MXRA7: variants seen among roughly 807,000 people sequenced by gnomAD.
MXRA7 encodes the protein matrix-remodeling-associated protein 7.
A neutral mutation model predicts 17.4 loss-of-function variants in MXRA7; 18 were observed. The ratio of observed to expected loss-of-function variants is 1.03; its 90% CI spans 0.71 to 1.53. The LOEUF (loss-of-function observed/expected upper bound fraction) is 1.53. Ranked by LOEUF, MXRA7 falls within the 40% of genes most tolerant of loss-of-function variation. The probability of loss-of-function intolerance (pLI) is 0.00; values close to 1 mark genes in which losing one functional copy is unlikely to be tolerated. For synonymous variants in MXRA7, 70 were observed against 101.7 expected (o/e 0.69, Z 1.87); for missense variants, 141 against 209.3 (o/e 0.67, Z 2.01).
chr17:76,692,240 T>C (rs2076485187), intron 1 of MXRA7, among the ~76,000 whole-genome samples: 1 of 151,594 alleles, frequency 6.6e-6, no homozygotes, highest in South Asian at 2.1e-4. Flanking sequence ...TGTACTTGAC[T>C]TTGGAAGTCT....
At chr17:76,697,813 G>T (rs1419369753) in intron 1 of MXRA7, among the ~76,000 whole-genome samples, 1 of 152,128 alleles carries the variant, frequency 6.6e-6, no homozygotes, top group African/African-American at 2.4e-5. Context: ...CGCCCTGCAG[G>T]CTGCACGCTG....
chr17:76,709,084 T>G (rs897417032), intron 1 of MXRA7, among the ~76,000 whole-genome samples: 4 of 152,136 alleles, frequency 2.6e-5, no homozygotes, highest in African/African-American at 9.7e-5. Flanking sequence ...TAGAAAGTTC[T>G]TTAAGCGCTG....
At chr17:76,678,437 G>C (rs1335065498), downstream of MXRA7, among the ~76,000 whole-genome samples, 1 of 152,026 alleles carries the variant, frequency 6.6e-6, no homozygotes, top group Admixed American at 6.5e-5. Flanking sequence ...GACAACTTCT[G>C]CAGCACAAAC....
intron 1 of MXRA7, among the ~76,000 whole-genome samples, chr17:76,699,339 TCTCA>T (rs2076568449): frequency 6.6e-6 from 1 of 151,938 alleles, no homozygotes. Context: ...AGAGATTGGG[TCTCA>T]CTATGTTGCT....
At chr17:76,678,142 A>T (rs2076256560), downstream of MXRA7, among the ~76,000 whole-genome samples, 1 of 152,240 alleles carries the variant, frequency 6.6e-6, no homozygotes, top group African/African-American at 2.4e-5. Context: ...GGAGAAAGAA[A>T]AAACATTATC....
At chr17:76,678,571 T>C (rs1192433154), downstream of MXRA7, among the ~76,000 whole-genome samples, 4 of 152,208 alleles carry the variant, frequency 2.6e-5, no homozygotes, top group African/African-American at 9.7e-5. Flanking sequence ...CTCACTCTTC[T>C]GGTTTCTGCA....
intron 1 of MXRA7, among the ~76,000 whole-genome samples, chr17:76,704,447 C>T (rs932923832): frequency 6.7e-4 from 101 of 149,700 alleles, no homozygotes; most frequent in Non-Finnish European, 1.2e-3. Context: ...CCTCGTGATC[C>T]GCCCGCCTCG....
intron 1 of MXRA7, among the ~76,000 whole-genome samples, chr17:76,693,123 TA>T (rs2076494118): frequency 6.6e-6 from 1 of 152,222 alleles, no homozygotes; most frequent in South Asian, 2.1e-4. Context: ...CATCTGAAGT[TA>T]TTTATTAAAA....
At chr17:76,694,046 C>A (rs1348786432) in intron 1 of MXRA7, among the ~76,000 whole-genome samples, 1 of 152,170 alleles carries the variant, frequency 6.6e-6, no homozygotes, top group African/African-American at 2.4e-5. Context: ...ATCCCGTGGC[C>A]CCAGTTGGGG....
intron 1 of MXRA7, among the ~76,000 whole-genome samples, 175 bp downstream of exon 1, chr17:76,710,430 C>T (rs1047907002): frequency 3.9e-5 from 6 of 152,154 alleles, no homozygotes; most frequent in African/African-American, 1.4e-4. Flanking sequence ...GGCGAGTTTG[C>T]GGGGCTGCGG....
downstream of MXRA7, chr17:76,676,263 A>C (rs1317120088): frequency 1.3e-5 from 2 of 152,190 alleles, no homozygotes; most frequent in African/African-American, 2.4e-5. Flanking sequence ...ATAGGGACCA[A>C]GTTGAGTATT....
At chr17:76,685,039 C>G (rs1221871640) in intron 3 of MXRA7, 33 bp downstream of exon 3, 1 of 1,588,098 alleles carries the variant, frequency 6.3e-7, no homozygotes. Context: ...CCCCAAGAGC[C>G]CGCCAGGCGC....
intron 1 of MXRA7, among the ~76,000 whole-genome samples, chr17:76,694,112 A>G (rs2076507268): frequency 6.6e-6 from 1 of 152,216 alleles, no homozygotes; most frequent in African/African-American, 2.4e-5. Flanking sequence ...GCATAGGCCC[A>G]GGAGCCCAAT....
intron 1 of MXRA7, among the ~76,000 whole-genome samples, chr17:76,700,515 A>G (rs1450225724): frequency 6.6e-6 from 1 of 152,102 alleles, no homozygotes; most frequent in Admixed American, 6.6e-5. Flanking sequence ...CTGGGCAGGG[A>G]CAGAAACAAG....
intron 1 of MXRA7, among the ~76,000 whole-genome samples, chr17:76,704,957 G>A (rs944735794): frequency 2.6e-5 from 4 of 152,042 alleles, no homozygotes; most frequent in African/African-American, 9.7e-5. Context: ...TCAGGGATCT[G>A]GCATTTCTCT....
chr17:76,697,804 G>A (rs1323403351), intron 1 of MXRA7, among the ~76,000 whole-genome samples: 2 of 152,094 alleles, frequency 1.3e-5, no homozygotes, highest in Non-Finnish European at 2.9e-5. Context: ...CCAAGCTCAC[G>A]CCCTGCAGGC....
intron 1 of MXRA7, among the ~76,000 whole-genome samples, chr17:76,698,032 G>A (rs1253556649): frequency 1.3e-5 from 2 of 152,174 alleles, no homozygotes; most frequent in African/African-American, 4.8e-5. Flanking sequence ...GTTCTGCTGT[G>A]GGGCAGTGCA....
At chr17:76,706,323 AAGGACCACGCTGCCATCACAG>A (rs2076658875) in intron 1 of MXRA7, among the ~76,000 whole-genome samples, 5 of 47,448 alleles carry the variant, frequency 1.1e-4, no homozygotes, top group Non-Finnish European at 1.9e-4. Context: ...TGCCATCACA[AAGGACCACGCTGCCATCACAG>A]AGGCCCACTC....
intron 1 of MXRA7, among the ~76,000 whole-genome samples, chr17:76,702,958 G>T (rs2076612855): frequency 7.8e-6 from 1 of 128,034 alleles, no homozygotes; most frequent in African/African-American, 2.7e-5. Flanking sequence ...ATGGAGTAGG[G>T]TTTCCTGCTG....
Sources: gnomAD v4.1 joint callset for allele counts (sites outside exome capture counted in the v4.1 genomes callset) on GRCh38, gnomAD v4.1.1 for gene constraint, MANE v1.5 for transcripts, NCBI Gene and HGNC (gene_info 2026-07-23, HGNC 2026-07-21) for gene names.